The following SH3GL1 variants were observed in gnomAD, a reference collection of about 807,000 sequenced individuals.
SH3GL1 encodes endophilin-A2.
SH3GL1 carries 21 observed loss-of-function variants against 48.8 expected under a neutral mutation model. The observed-to-expected ratio is 0.43, with a 90% confidence interval of 0.30 to 0.62. The LOEUF (loss-of-function observed/expected upper bound fraction) is 0.62, where lower values mean the gene tolerates loss of function less well. SH3GL1 is among the 20% of genes least tolerant of loss of function. The pLI, the probability that SH3GL1 is intolerant of heterozygous loss-of-function variation, is 0.11. For synonymous variants in SH3GL1, 282 were observed against 217.5 expected (o/e 1.30, Z -2.61); for missense variants, 454 against 503.0 (o/e 0.90, Z 0.93).
chr19:4,372,208 A>C (rs920031251), intron 1 of SH3GL1, among the ~76,000 whole-genome samples: 6 of 152,220 alleles, frequency 3.9e-5, no homozygotes, highest in Admixed American at 3.9e-4. Context: ...AGCCACCTGC[A>C]GGACCAGGGA....
chr19:4,363,918 A>G (rs1239522108), intron 5 of SH3GL1, 40 bp from the exon 6 acceptor site: 1 of 1,611,180 alleles, frequency 6.2e-7, no homozygotes, highest in East Asian at 2.2e-5. Flanking sequence ...AGTAGCGGCC[A>G]GAGGGCCGCC....
At chr19:4,377,986 T>C (rs1197216472) in intron 1 of SH3GL1, among the ~76,000 whole-genome samples, 1 of 152,072 alleles carries the variant, frequency 6.6e-6, no homozygotes, top group Non-Finnish European at 1.5e-5. Flanking sequence ...TCATCGTCCT[T>C]GGAGGGACAC....
At chr19:4,384,371 CACTTT>C (rs1973195276) in intron 1 of SH3GL1, among the ~76,000 whole-genome samples, 2 of 152,244 alleles carry the variant, frequency 1.3e-5, no homozygotes, top group African/African-American at 4.8e-5. Context: ...TGAAATAACA[CACTTT>C]ACGAGTGCGC....
At chr19:4,390,947 G>C (rs1240553486) in intron 1 of SH3GL1, among the ~76,000 whole-genome samples, 2 of 152,204 alleles carry the variant, frequency 1.3e-5, no homozygotes, top group African/African-American at 2.4e-5. Context: ...CGTTTCCCCA[G>C]ATCAGATCAG....
intron 1 of SH3GL1, among the ~76,000 whole-genome samples, chr19:4,391,182 A>C (rs766631075): frequency 6.6e-6 from 1 of 152,098 alleles, no homozygotes; most frequent in Non-Finnish European, 1.5e-5. Flanking sequence ...CCTCAGGTGC[A>C]CTGCGCACGT....
intron 4 of SH3GL1, chr19:4,364,464 G>C: frequency 1.9e-6 from 1 of 527,860 alleles, no homozygotes; most frequent in Non-Finnish European, 3.4e-6. Context: ...ATGAAGTCTC[G>C]CTGTTGCCCA....
chr19:4,400,469 C>CCTCCGCCACCCGCTTGCCAG lies in SH3GL1; in HGVS notation c.-121_-102dup, dbSNP rs1296109751. 1,444 of 1,055,276 alleles carry CCTCCGCCACCCGCTTGCCAG rather than the reference C, an allele frequency of 1.4e-3. 7 individuals are homozygous for CCTCCGCCACCCGCTTGCCAG. The highest frequency in any genetic ancestry group is 5.3e-3 in the Admixed American group (110 of 20,760). The allele number at this position is 1,055,276 out of a possible 1,614,324, so 65.4% of individuals were successfully genotyped here. On this transcript the variant is annotated 5_prime_UTR_variant, in exon 1 of 10. Coordinates refer to ENST00000269886, the MANE Select transcript of SH3GL1 (RefSeq NM_003025.4). The surrounding 1 kb of genome is among the most constrained non-coding windows in gnomAD (Gnocchi z 4.1). ...GCCTCAGCAGTCCCCGTCGGCGCCG[C>CCTCCGCCACCCGCTTGCCAG]CTCCGCCACCCGCTTGCCAGCTCCG...
At chr19:4,375,674 CTCATGCA>C (rs374574307) in intron 1 of SH3GL1, among the ~76,000 whole-genome samples, 7 of 152,254 alleles carry the variant, frequency 4.6e-5, no homozygotes, top group African/African-American at 1.7e-4. Flanking sequence ...GAAAATCAGC[CTCATGCA>C]TCATGCATTG....
At chr19:4,364,329 T>C (rs1295998438) in intron 4 of SH3GL1, 108 bp from the exon 5 acceptor site, 4 of 1,427,290 alleles carry the variant, frequency 2.8e-6, no homozygotes, top group East Asian at 2.3e-5. Flanking sequence ...TGGAACGCAG[T>C]GGCGCTGTAC....
In SH3GL1 at chr19:4,388,420, G is replaced by C. The variant is rs1232129648; in HGVS notation, c.45+11904C>G. Among the ~76,000 whole-genome samples, 4 of 152,198 alleles carry C rather than the reference G, an allele frequency of 2.6e-5. No individual in the cohort carries two copies. The South Asian group carries it at 6.2e-4, about 24-fold the overall frequency. ...CAGGCTTAGAAGACAGGTACAGAGAGGGGCAGCGGAAGCACAGGAGACAGC... is the reference window on the plus strand; with the variant it reads ...CAGGCTTAGAAGACAGGTACAGAGACGGGCAGCGGAAGCACAGGAGACAGC... On this transcript the variant is annotated intron_variant, in intron 1 of 9. Coordinates refer to ENST00000269886, the MANE Select transcript of SH3GL1 (RefSeq NM_003025.4).
chr19:4,392,804 T>C (rs1327434490), intron 1 of SH3GL1, among the ~76,000 whole-genome samples: 1 of 151,990 alleles, frequency 6.6e-6, no homozygotes, highest in Non-Finnish European at 1.5e-5. Flanking sequence ...TAGCTGGGCA[T>C]GGTGGCAGGC....
In SH3GL1 at chr19:4,361,315, G is replaced by A; in HGVS notation, c.*285C>T. ...GTGTTGCCCCGCCTCGGCCAGCTGG[G>A]CGAGAAGTTGGGGAGCGGGGGAGGA... On this transcript the variant is annotated 3_prime_UTR_variant, in exon 10 of 10. Coordinates refer to ENST00000269886, the MANE Select transcript of SH3GL1 (RefSeq NM_003025.4). The A allele has an allele frequency of 2.0e-6, 1 of 502,516 alleles. No individual in the cohort carries two copies. Among genetic ancestry groups the A allele is most frequent in the Non-Finnish European group, 3.6e-6 (1 of 281,398 alleles). The allele number at this position is 502,516 out of a possible 1,614,324, so 31.1% of individuals were successfully genotyped here.
Position 4,367,855 on chromosome 19 carries a change from C to T in SH3GL1, c.46-861G>A, listed in dbSNP as rs2144871014. On this transcript the variant is annotated intron_variant, in intron 1 of 9. Coordinates refer to ENST00000269886, the MANE Select transcript of SH3GL1 (RefSeq NM_003025.4). The surrounding 1 kb of genome is among the most constrained non-coding windows in gnomAD (Gnocchi z 4.2). ...GTTGCTTTCTTCACCCCACGTATCC[C>T]ATGTGTGCCTGGCGCCAAGGGATGC... 6.6e-6 allele frequency among the ~76,000 whole-genome samples: 1 copy of T among 152,324 alleles called. No homozygotes were observed. Among genetic ancestry groups the T allele is most frequent in the South Asian group, 2.1e-4 (1 of 4,822 alleles).
rs576691690 is a variant in SH3GL1 at position 4,391,265 on chromosome 19, G to C, written c.45+9059C>G. Among the ~76,000 whole-genome samples the C allele has an allele frequency of 5.9e-5, 9 of 152,280 alleles. No homozygotes were observed. The South Asian group carries it at 1.9e-3, about 32-fold the overall frequency. On this transcript the variant is annotated intron_variant, in intron 1 of 9. Coordinates refer to ENST00000269886, the MANE Select transcript of SH3GL1 (RefSeq NM_003025.4). Reference sequence around the variant, plus strand: ...GTTCTCTGTGTGCTTGATAGGTCTGGGGTGTCAAAATGTGACAGCCCCCAA... The same window carrying C: ...GTTCTCTGTGTGCTTGATAGGTCTGCGGTGTCAAAATGTGACAGCCCCCAA...
chr19:4,364,347 C>G (rs1972713402), intron 4 of SH3GL1, 126 bp from the exon 5 acceptor site: 1 of 1,247,220 alleles, frequency 8.0e-7, no homozygotes, highest in South Asian at 1.3e-5. Flanking sequence ...TACCAGCTCA[C>G]TGCAGGCCTC....
At chr19:4,394,015 G>A (rs1973383654) in intron 1 of SH3GL1, among the ~76,000 whole-genome samples, 1 of 149,930 alleles carries the variant, frequency 6.7e-6, no homozygotes, top group East Asian at 2.0e-4. Context: ...GGCCTAAGGA[G>A]CATCAGGCAG....
intron 3 of SH3GL1, 102 bp from the exon 4 acceptor site, chr19:4,365,727 C>T: frequency 1.3e-6 from 2 of 1,516,600 alleles, no homozygotes; most frequent in Non-Finnish European, 1.8e-6. Context: ...GCTTCCTGTG[C>T]CTGTGGACAG....
intron 1 of SH3GL1, among the ~76,000 whole-genome samples, chr19:4,381,199 ATC>A (rs1184175399): frequency 3.6e-3 from 163 of 45,072 alleles, no homozygotes; most frequent in African/African-American, 0.013. Context: ...TCTCTCTCCC[ATC>A]TCTCTCTGTC....
In SH3GL1 at chr19:4,361,066, C is replaced by T. The variant is rs538691024; in HGVS notation, c.*534G>A. On this transcript the variant is annotated 3_prime_UTR_variant, in exon 10 of 10. Transcript: ENST00000269886. ...GAGGAGAAGGAGTGCGTGTGTGAGGCGGGGGTGCATTGGCCCTGGAGTAGG... is the reference window on the plus strand; with the variant it reads ...GAGGAGAAGGAGTGCGTGTGTGAGGTGGGGGTGCATTGGCCCTGGAGTAGG... 3.4e-5 allele frequency: 8 copies of T among 236,130 alleles called. No individual in the cohort carries two copies. The highest frequency in any genetic ancestry group is 1.3e-3 in the Middle Eastern group (1 of 792). The allele number at this position is 236,130 out of a possible 1,614,324, so 14.6% of individuals were successfully genotyped here.
Sources: gnomAD v4.1 joint callset for allele counts (sites outside exome capture counted in the v4.1 genomes callset) on GRCh38, gnomAD v4.1.1 for gene constraint, Gnocchi (gnomAD v3.1) non-coding constraint, MANE v1.5 for transcripts, NCBI Gene and HGNC (gene_info 2026-07-23, HGNC 2026-07-21) for gene names.